LOXL2: variants seen among roughly 807,000 people sequenced by gnomAD.
LOXL2 encodes the protein lysyl oxidase like 2.
A neutral mutation model predicts 93.0 loss-of-function variants in LOXL2; 70 were observed. The observed-to-expected ratio is 0.75, with a 90% CI of 0.62 to 0.92. The LOEUF is 0.92. LOXL2 is among the 40% of genes least tolerant of loss of function. The pLI, the probability that LOXL2 is intolerant of heterozygous loss-of-function variation, is 0.00. For missense variants in LOXL2, 973 were observed against 1,054.9 expected (o/e 0.92, Z 1.08); for synonymous variants, 438 against 413.2 (o/e 1.06, Z -0.73).
chr8:23,380,025 G>A (rs1051106123), intron 1 of LOXL2, among the ~76,000 whole-genome samples: 8 of 152,292 alleles, frequency 5.3e-5, no homozygotes, highest in Admixed American at 1.3e-4. Flanking sequence ...CATCTTCTGC[G>A]TTGCTCACGC....
At chr8:23,389,667 C>G (rs1243774948) in intron 1 of LOXL2, among the ~76,000 whole-genome samples, 1 of 152,182 alleles carries the variant, frequency 6.6e-6, no homozygotes, top group Non-Finnish European at 1.5e-5. Context: ...GGACATCATG[C>G]TTTTAGATTT....
intron 9 of LOXL2, among the ~76,000 whole-genome samples, chr8:23,313,707 T>C (rs1390865909): frequency 2.0e-5 from 3 of 149,730 alleles, no homozygotes; most frequent in Non-Finnish European, 3.0e-5. Flanking sequence ...GAAGAAAACC[T>C]AGGCATTACC....
Position 23,309,684 on chromosome 8 carries a change from A to T in LOXL2, c.1864T>A (p.Trp622Arg). The change falls in exon 10 of 14, where the codon TGG becomes AGG. Residue 622 changes from tryptophan to arginine, a missense_variant. By Grantham distance (101) the Trp-to-Arg change is moderately radical. Transcript: ENST00000389131. ...CAGGCCTACCTGTGACAGTCGTGCC[A>T]GATCCACGCGTGGCGGCCGTTCTTG... ...RPKNGRHAWI[W>R]HDCHRHYHSM... is the part of the protein sequence containing the mutation. The T allele has an allele frequency of 6.7e-7, 1 of 1,495,552 alleles. No individual in the cohort carries two copies. Among genetic ancestry groups the T allele is most frequent in the Non-Finnish European group, 9.0e-7 (1 of 1,116,568 alleles). 92.6% of individuals were successfully genotyped at this position (1,495,552 alleles called of 1,614,324 possible).
chr8:23,348,769 C>T (rs1033933096), intron 3 of LOXL2, among the ~76,000 whole-genome samples: 21 of 152,102 alleles, frequency 1.4e-4, no homozygotes, highest in Admixed American at 3.3e-4. Context: ...CCCAGCTACT[C>T]AGGAGGCTGA....
intron 13 of LOXL2, among the ~76,000 whole-genome samples, chr8:23,298,548 G>T (rs1184926995): frequency 6.6e-6 from 1 of 152,192 alleles, no homozygotes; most frequent in African/African-American, 2.4e-5. Context: ...CATTTTTGAG[G>T]TCACATACAT....
At chr8:23,371,277 G>A (rs1006606312) in intron 1 of LOXL2, among the ~76,000 whole-genome samples, 1 of 152,148 alleles carries the variant, frequency 6.6e-6, no homozygotes, top group African/African-American at 2.4e-5. Context: ...ATACCCACAA[G>A]ACGGAAATAC....
intron 5 of LOXL2, among the ~76,000 whole-genome samples, chr8:23,330,396 G>C (rs780642953): frequency 6.6e-6 from 1 of 151,988 alleles, no homozygotes; most frequent in Non-Finnish European, 1.5e-5. Context: ...AACAAAACAC[G>C]CATAACTACT....
In LOXL2 at chr8:23,309,768, G is replaced by A. The variant is rs1176763111; in HGVS notation, c.1780C>T (p.Arg594Cys). The change falls in exon 10 of 14, where the codon CGC (arginine) becomes TGC (cysteine). Residue 594 changes from arginine to cysteine, a missense_variant. Coordinates refer to ENST00000389131, the MANE Select transcript of LOXL2 (RefSeq NM_002318.3). ...TGGGAGGAGAAGCGCAGGAGCCGGC[G>A]GTAGCCCGTGGTGGGGTCGGTCTGC... is the stretch of plus-strand genomic sequence containing the variant. Reference protein sequence around the residue: ...AAQTDPTTGYRRLLRFSSQIH... With the variant: ...AAQTDPTTGYCRLLRFSSQIH... The A allele has an allele frequency of 1.2e-5, 20 of 1,603,844 alleles. No individual in the cohort carries two copies. The highest frequency in any genetic ancestry group is 2.3e-5 in the East Asian group (1 of 44,096).
At chr8:23,356,810 G>T (rs1356083455) in intron 3 of LOXL2, among the ~76,000 whole-genome samples, 1 of 152,176 alleles carries the variant, frequency 6.6e-6, no homozygotes, top group Non-Finnish European at 1.5e-5. Context: ...TCCATAGGTT[G>T]CCCTCTCTGG....
intron 1 of LOXL2, chr8:23,371,276 A>G (rs532639152): frequency 6.6e-6 from 1 of 152,380 alleles, no homozygotes; most frequent in South Asian, 2.1e-4. Flanking sequence ...AATACCCACA[A>G]GACGGAAATA....
chr8:23,377,066 T>C (rs947171870), intron 1 of LOXL2, among the ~76,000 whole-genome samples: 5 of 152,214 alleles, frequency 3.3e-5, no homozygotes, highest in African/African-American at 1.2e-4. Flanking sequence ...TGCTTTCTCT[T>C]GTGGGCATTT....
chr8:23,305,366 G>A (rs1174738430), intron 10 of LOXL2, among the ~76,000 whole-genome samples: 1 of 152,198 alleles, frequency 6.6e-6, no homozygotes, highest in African/African-American at 2.4e-5. Context: ...ACACTCAGGG[G>A]AGCAGCTGGT....
At chr8:23,299,343 A>G (rs1266608155) in intron 12 of LOXL2, among the ~76,000 whole-genome samples, 1 of 152,108 alleles carries the variant, frequency 6.6e-6, no homozygotes, top group Non-Finnish European at 1.5e-5. Context: ...AACCTGGAAG[A>G]GGGCTGCCTG....
chr8:23,306,521 C>T (rs973906351), intron 10 of LOXL2, among the ~76,000 whole-genome samples: 7 of 152,246 alleles, frequency 4.6e-5, no homozygotes, highest in Non-Finnish European at 1.0e-4. Flanking sequence ...GGAGCAAGCC[C>T]CACAGATGCG....
intron 8 of LOXL2, among the ~76,000 whole-genome samples, chr8:23,319,349 G>A (rs1803455894): frequency 6.6e-6 from 1 of 152,214 alleles, no homozygotes; most frequent in African/African-American, 2.4e-5. Context: ...TGGAGAGGGG[G>A]CAGTGGGAGG....
In LOXL2 at chr8:23,301,883, C is replaced by T. The variant is rs971528270; in HGVS notation, c.2133+144G>A. The T allele has an allele frequency of 2.0e-5, 19 of 969,304 alleles. No individual in the cohort carries two copies. The Admixed American group carries it at 2.4e-4, about 12-fold the overall frequency. The allele number at this position is 969,304 out of a possible 1,614,324, so 60.0% of individuals were successfully genotyped here. ...TGATATCTTTGGGTTAACTGATGGA[C>T]CGTGATGGCCTCTGGGGGTAGCACC... On this transcript the variant is annotated intron_variant, in intron 12 of 13. Transcript: ENST00000389131.
chr8:23,299,089 A>G (rs1803085277), intron 12 of LOXL2, 142 bp from the exon 13 acceptor site: 3 of 605,944 alleles, frequency 5.0e-6, no homozygotes, highest in East Asian at 2.8e-5. Context: ...GTGGGTCTCA[A>G]CAAAGTCCTT....
chr8:23,345,735 T>G (rs1442710443), intron 3 of LOXL2, among the ~76,000 whole-genome samples: 1 of 151,980 alleles, frequency 6.6e-6, no homozygotes, highest in Non-Finnish European at 1.5e-5. Flanking sequence ...ACACTTTTTT[T>G]TCTTTTTTAA....
At chr8:23,360,053 G>A (rs1035288615) in intron 3 of LOXL2, 37 bp downstream of exon 3, 10 of 1,572,490 alleles carry the variant, frequency 6.4e-6, no homozygotes, top group Non-Finnish European at 8.7e-6. Context: ...GAGGAAAAAT[G>A]TTTGCATGAA....
Sources: allele counts gnomAD v4.1 joint callset (sites outside exome capture counted in the v4.1 genomes callset), GRCh38; gene constraint gnomAD v4.1.1; transcripts MANE v1.5; gene names NCBI Gene and HGNC (gene_info 2026-07-23, HGNC 2026-07-21).